The following PACRG variants were observed in gnomAD, a reference collection of about 807,000 sequenced individuals.
The protein encoded by PACRG is parkin coregulated gene protein.
A neutral mutation model predicts 29.7 loss-of-function variants in PACRG; 29 were observed. That is an observed-to-expected ratio of 0.98 (90% CI 0.73 to 1.33). The LOEUF (loss-of-function observed/expected upper bound fraction) is 1.33, where lower values mean the gene tolerates loss of function less well. Among genes scored for constraint, PACRG ranks in the 40% most tolerant of loss-of-function variants. PACRG has a pLI of 0.00. For synonymous variants in PACRG, 116 were observed against 118.7 expected (o/e 0.98, Z 0.15); for missense variants, 279 against 316.2 (o/e 0.88, Z 0.89).
Position 163,315,197 on chromosome 6 carries a change from A to C in PACRG, c.*210A>C. 1.9e-6 allele frequency: 1 copy of C among 518,212 alleles called. No homozygotes were observed. Among genetic ancestry groups the C allele is most frequent in the South Asian group, 3.4e-5 (1 of 29,632 alleles). The allele number at this position is 518,212 out of a possible 1,614,324, so 32.1% of individuals were successfully genotyped here. On this transcript the variant is annotated 3_prime_UTR_variant, in exon 5 of 5. Transcript: ENST00000366888. ...TCTGTTTCTTAGATTACAATAGTGT[A>C]CTGTGCTTATTTGTTCTAAGAGAAG...
intron 4 of PACRG, among the ~76,000 whole-genome samples, chr6:163,105,318 C>T (rs545311798): frequency 4.6e-5 from 7 of 152,196 alleles, no homozygotes; most frequent in South Asian, 4.1e-4. Context: ...CTGCGAGACA[C>T]AATCTAGCAC....
chr6:162,826,345 C>T (rs1446753556), intron 2 of PACRG, among the ~76,000 whole-genome samples: 1 of 151,994 alleles, frequency 6.6e-6, no homozygotes, highest in Non-Finnish European at 1.5e-5. Context: ...CCACAACTCT[C>T]ATTTTTGTAT....
chr6:162,727,722 GCGC>G (rs770336825), upstream of PACRG: 8 of 1,536,008 alleles, frequency 5.2e-6, no homozygotes, highest in South Asian at 8.4e-5. Flanking sequence ...GCGCGCAGCG[GCGC>G]CAGCCGCGCC....
chr6:162,958,912 G>T (rs1399875956), intron 2 of PACRG, among the ~76,000 whole-genome samples: 7 of 137,828 alleles, frequency 5.1e-5, no homozygotes, highest in African/African-American at 1.9e-4. Flanking sequence ...GAGAGAGAGA[G>T]AGAGAGAGAG....
chr6:162,899,533 A>G (rs954411075), intron 2 of PACRG, among the ~76,000 whole-genome samples: 5 of 152,194 alleles, frequency 3.3e-5, no homozygotes, highest in Non-Finnish European at 7.3e-5. Context: ...GCAGGTAGGC[A>G]TTCGGGAAGC....
chr6:162,855,395 C>CT (rs911127996), intron 2 of PACRG, among the ~76,000 whole-genome samples: 33 of 152,172 alleles, frequency 2.2e-4, no homozygotes, highest in African/African-American at 6.7e-4. Flanking sequence ...AGACACTCTT[C>CT]TTTTTTGCGT....
intron 2 of PACRG, among the ~76,000 whole-genome samples, chr6:162,914,600 C>CA (rs79981470): frequency 0.23 from 28,971 of 125,596 alleles, 3,172 homozygotes; most frequent in Middle Eastern, 0.3. Flanking sequence ...CCATTTTTAC[C>CA]AAAAAAAAAA....
At chr6:163,000,029 G>A (rs780558237) in intron 2 of PACRG, among the ~76,000 whole-genome samples, 13 of 152,178 alleles carry the variant, frequency 8.5e-5, no homozygotes, top group Non-Finnish European at 1.6e-4. Flanking sequence ...GGTTGGATTC[G>A]TTTCAATGGA....
At chr6:162,796,924 A>G (rs1298135730) in intron 1 of PACRG, among the ~76,000 whole-genome samples, 1 of 152,208 alleles carries the variant, frequency 6.6e-6, no homozygotes, top group Non-Finnish European at 1.5e-5. Flanking sequence ...CTTGTCTCCA[A>G]AGAGTTTCCT....
intron 4 of PACRG, among the ~76,000 whole-genome samples, chr6:163,207,164 T>C (rs1780938485): frequency 6.6e-6 from 1 of 152,196 alleles, no homozygotes; most frequent in Non-Finnish European, 1.5e-5. Context: ...CACACATTTG[T>C]TTTTAATCTC....
chr6:163,298,089 A>G (rs1784850153), intron 4 of PACRG, among the ~76,000 whole-genome samples: 1 of 152,214 alleles, frequency 6.6e-6, no homozygotes, highest in Non-Finnish European at 1.5e-5. Context: ...TCGACCAAAA[A>G]GAAGTGAATG....
chr6:162,790,056 A>G (rs907916894), intron 1 of PACRG, among the ~76,000 whole-genome samples: 1 of 152,174 alleles, frequency 6.6e-6, no homozygotes, highest in African/African-American at 2.4e-5. Flanking sequence ...CTGTGGGGAG[A>G]GAGAGTCTGC....
intron 2 of PACRG, among the ~76,000 whole-genome samples, chr6:162,888,866 T>C (rs554930314): frequency 6.6e-6 from 1 of 152,312 alleles, no homozygotes; most frequent in South Asian, 2.1e-4. Context: ...CAGACCCAGC[T>C]GCTGCCCAAA....
intron 4 of PACRG, among the ~76,000 whole-genome samples, chr6:163,170,105 GC>G (rs1779001395): frequency 6.6e-6 from 1 of 152,152 alleles, no homozygotes; most frequent in Non-Finnish European, 1.5e-5. Context: ...GGAAGTCAGG[GC>G]TTCAACATAG....
chr6:163,120,316 C>T (rs1013950548), intron 4 of PACRG, among the ~76,000 whole-genome samples: 9 of 152,176 alleles, frequency 5.9e-5, no homozygotes, highest in Admixed American at 1.3e-4. Context: ...CCCTTGTTTC[C>T]ACTGCACATC....
chr6:162,941,112 G>A (rs969283078), intron 2 of PACRG, among the ~76,000 whole-genome samples: 1 of 151,912 alleles, frequency 6.6e-6, no homozygotes, highest in Non-Finnish European at 1.5e-5. Context: ...ATCTTCCACC[G>A]GGTGTCCCCA....
chr6:163,100,466 A>C (rs1436459216), intron 4 of PACRG, among the ~76,000 whole-genome samples: 4 of 152,118 alleles, frequency 2.6e-5, no homozygotes, highest in African/African-American at 7.2e-5. Flanking sequence ...TCCAGCTGCC[A>C]GGTCAGGAGC....
At chr6:162,915,656 T>G (rs978739164) in intron 2 of PACRG, among the ~76,000 whole-genome samples, 2 of 152,134 alleles carry the variant, frequency 1.3e-5, no homozygotes, top group Non-Finnish European at 2.9e-5. Context: ...TATGTTTGTA[T>G]TGCATGTGAA....
chr6:162,935,839 C>G (rs1341647246), intron 2 of PACRG, among the ~76,000 whole-genome samples: 1 of 152,084 alleles, frequency 6.6e-6, no homozygotes, highest in East Asian at 1.9e-4. Context: ...TGTTTGTTAT[C>G]ATATATTGAA....
Sources: allele counts gnomAD v4.1 joint callset (sites outside exome capture counted in the v4.1 genomes callset), GRCh38; gene constraint gnomAD v4.1.1; transcripts MANE v1.5; gene names NCBI Gene and HGNC (gene_info 2026-07-23, HGNC 2026-07-21).